The following IGSF9B variants were observed in gnomAD, a reference collection of about 807,000 sequenced individuals.
IGSF9B encodes immunoglobulin superfamily member 9B.
Under a neutral mutation model 143.7 loss-of-function variants are expected in IGSF9B, and 48 were observed. The observed-to-expected ratio is 0.33, with a 90% confidence interval of 0.26 to 0.42. The LOEUF (loss-of-function observed/expected upper bound fraction) is 0.42. Among genes scored for constraint, IGSF9B ranks in the 20% least tolerant of loss-of-function variants. The pLI is 1.00. For missense variants in IGSF9B, 1,706 were observed against 1,980.0 expected, an observed-to-expected ratio of 0.86 and a Z score of 2.63; for synonymous variants, 903 against 833.1, an observed-to-expected ratio of 1.08 and a Z score of -1.44.
chr11:133,941,851 C>T (rs572880724), intron 3 of IGSF9B, among the ~76,000 whole-genome samples: 7 of 152,300 alleles, frequency 4.6e-5, no homozygotes, highest in East Asian at 3.9e-4. Flanking sequence ...CCCACCTGCA[C>T]GTGACGAACT....
intron 18 of IGSF9B, among the ~76,000 whole-genome samples, chr11:133,915,732 AG>A (rs1258268198): frequency 6.6e-6 from 1 of 152,226 alleles, no homozygotes; most frequent in African/African-American, 2.4e-5. Context: ...CTCAGCGCCC[AG>A]GAGCTGACCA....
At position 133,945,936 on chromosome 11, in the gene IGSF9B, G is replaced by C. The variant is rs1456495257; in HGVS notation, c.262+125C>G. On this transcript the variant is annotated intron_variant, in intron 2 of 19. Transcript: ENST00000533871. The surrounding 1 kb of genome is among the most constrained non-coding windows in gnomAD (Gnocchi z 4.6). ...ACCAACAGAGGACAAAGGATGGGAGGAACCAGGCAGAGACTGGGAAACAGA... is the reference window on the plus strand; with the variant it reads ...ACCAACAGAGGACAAAGGATGGGAGCAACCAGGCAGAGACTGGGAAACAGA... 1.5e-6 allele frequency: 1 copy of C among 685,130 alleles called. No homozygotes were observed. The highest frequency in any genetic ancestry group is 2.8e-5 in the East Asian group (1 of 35,568). The allele number at this position is 685,130 out of a possible 1,614,324, so 42.4% of individuals were successfully genotyped here. A position where few individuals can be genotyped will look rare whatever the true frequency, so the allele number is the denominator to read the frequency against.
Position 133,931,910 on chromosome 11 carries a change from G to A in IGSF9B, c.1111-115C>T, listed in dbSNP as rs897444088. ...CAGGATAGTACAGGAGCTCCAGCCCGGGGCGGGCGGCACCCGCAGACCCCT... is the reference window on the plus strand; with the variant it reads ...CAGGATAGTACAGGAGCTCCAGCCCAGGGCGGGCGGCACCCGCAGACCCCT... On this transcript the variant is annotated intron_variant, in intron 8 of 19. Transcript: ENST00000533871. The surrounding 1 kb of genome is among the most constrained non-coding windows in gnomAD (Gnocchi z 7.7). 9.3e-6 allele frequency: 14 copies of A among 1,507,758 alleles called. No homozygotes were observed. Among genetic ancestry groups the A allele is most frequent in the Middle Eastern group, 3.6e-4 (2 of 5,568 alleles). 93.4% of individuals were successfully genotyped at this position (1,507,758 alleles called of 1,614,324 possible). A position where few individuals can be genotyped will look rare whatever the true frequency, so the allele number is the denominator to read the frequency against.
chr11:133,920,426 G>C lies in IGSF9B; in HGVS notation c.3299C>G (p.Pro1100Arg). ...GGGCGACTTGCCTGCCCAACCCTTC[G>C]GTGCCTCCAGAGACAGGATGCCCGG... Reference protein sequence around the residue: ...AYPGILSLEAPKGWAGKSPGR... With the variant: ...AYPGILSLEARKGWAGKSPGR... The change falls in exon 18 of 20, where the codon CCG (proline) becomes CGG (arginine). Residue 1100 changes from proline (P) to arginine (R), a missense_variant. Pro to Arg is a moderately radical substitution (Grantham distance 103, BLOSUM62 -2). Coordinates refer to ENST00000533871, the MANE Select transcript of IGSF9B (RefSeq NM_001277285.4). 1 of 1,582,118 alleles carries C rather than the reference G, an allele frequency of 6.3e-7. No homozygotes were observed. The highest frequency in any genetic ancestry group is 8.6e-7 in the Non-Finnish European group (1 of 1,166,156).
intron 1 of IGSF9B, among the ~76,000 whole-genome samples, chr11:133,952,424 G>A (rs1273784781): frequency 2.0e-5 from 3 of 152,224 alleles, no homozygotes; most frequent in African/African-American, 7.2e-5. Flanking sequence ...GGGATATGAA[G>A]GCAAGAAGTT....
At position 133,908,093 on chromosome 11, in the gene IGSF9B, G is replaced by A. The variant is rs1358989340; in HGVS notation, c.*976C>T. On this transcript the variant is annotated 3_prime_UTR_variant, in exon 20 of 20. Transcript: ENST00000533871. ...CGCTAGCACAGGTGGCTCCGCAGTG[G>A]GGAGACTTTGGCCACAGAGCTCACG... 1.3e-5 allele frequency among the ~76,000 whole-genome samples: 2 copies of A among 152,236 alleles called. No homozygotes were observed. Among genetic ancestry groups the A allele is most frequent in the Non-Finnish European group, 2.9e-5 (2 of 68,036 alleles).
In IGSF9B at chr11:133,909,378, A is replaced by G. The variant is rs984061139; in HGVS notation, c.4106-101T>C. ...CACCTGCATTTGTTCCGGGTTTCTA[A>G]TGTTGAAACAAAGGAATCACCTGAG... On this transcript the variant is annotated intron_variant, in intron 19 of 19. Transcript: ENST00000533871. The surrounding 1 kb of genome is among the most constrained non-coding windows in gnomAD (Gnocchi z 4.2). The G allele has an allele frequency of 3.1e-6, 3 of 959,052 alleles. No individual in the cohort carries two copies. Among genetic ancestry groups the G allele is most frequent in the African/African-American group, 3.3e-5 (2 of 61,478 alleles). 59.4% of individuals were successfully genotyped at this position (959,052 alleles called of 1,614,324 possible).
chr11:133,929,845 C>T (rs990925390), intron 11 of IGSF9B, 63 bp from the exon 12 acceptor site: 19 of 1,125,660 alleles, frequency 1.7e-5, no homozygotes, highest in African/African-American at 1.5e-4. Context: ...GGGTGCCCAC[C>T]GTCTGGCTGT....
Position 133,928,180 on chromosome 11 carries a change from G to C in IGSF9B, c.1632-1089C>G, listed in dbSNP as rs1939663067. 6.6e-6 allele frequency among the ~76,000 whole-genome samples: 1 copy of C among 152,044 alleles called. No homozygotes were observed. The highest frequency in any genetic ancestry group is 2.4e-5 in the African/African-American group (1 of 41,414). On this transcript the variant is annotated intron_variant, in intron 12 of 19. Transcript: ENST00000533871. The surrounding 1 kb of genome is among the most constrained non-coding windows in gnomAD (Gnocchi z 4.7). ...TCGTATGCCCAGACCTCCCACCCAG[G>C]CATCTCCAAAGACAGCTTGACCACA...
chr11:133,914,158 T>C (rs1186558592), intron 18 of IGSF9B, among the ~76,000 whole-genome samples: 1 of 152,206 alleles, frequency 6.6e-6, no homozygotes, highest in African/African-American at 2.4e-5. Flanking sequence ...GGCACTGCTG[T>C]ACAATAATTG....
At chr11:133,916,617 T>G (rs1372758214) in intron 18 of IGSF9B, among the ~76,000 whole-genome samples, 1 of 152,170 alleles carries the variant, frequency 6.6e-6, no homozygotes, top group African/African-American at 2.4e-5. Flanking sequence ...TCGCTGCCCC[T>G]GGTTTCTGGG....
chr11:133,912,627 C>T (rs558819556), intron 18 of IGSF9B, among the ~76,000 whole-genome samples: 3 of 152,284 alleles, frequency 2.0e-5, no homozygotes, highest in South Asian at 4.1e-4. Context: ...AGTGTCTCCT[C>T]GACCCTGCAG....
intron 3 of IGSF9B, among the ~76,000 whole-genome samples, chr11:133,938,397 A>G (rs774739690): frequency 2.6e-4 from 39 of 152,064 alleles, no homozygotes; most frequent in Admixed American, 1.4e-3. Flanking sequence ...AAGACTTAAC[A>G]CAGATGCAGG....
intron 6 of IGSF9B, 92 bp from the exon 7 acceptor site, chr11:133,935,854 GGA>G (rs762147286): frequency 2.0e-6 from 3 of 1,510,266 alleles, no homozygotes; most frequent in Non-Finnish European, 2.7e-6. Context: ...GATGTGGCAT[GGA>G]GAGCCCATGC....
intron 17 of IGSF9B, 52 bp downstream of exon 17, chr11:133,922,125 A>G: frequency 2.0e-6 from 3 of 1,506,644 alleles, no homozygotes; most frequent in Non-Finnish European, 2.8e-6. Context: ...CGGTCTACCT[A>G]TGCGCCCCCT....
rs1939148109 is a variant in IGSF9B, at chr11:133,902,357, C to G, written c.*6712G>C. Among the ~76,000 whole-genome samples the G allele has an allele frequency of 6.8e-6, 1 of 146,920 alleles. No homozygotes were observed. On this transcript the variant is annotated 3_prime_UTR_variant, in exon 20 of 20. Coordinates refer to ENST00000533871, the MANE Select transcript of IGSF9B (RefSeq NM_001277285.4). ...CACACACCCCACACACATACACAAC[C>G]ACACAATAGACACACCACACACAAC...
At chr11:133,937,632 G>A (rs1301168216) in intron 4 of IGSF9B, 139 bp from the exon 5 acceptor site, 3 of 1,009,310 alleles carry the variant, frequency 3.0e-6, no homozygotes, top group African/African-American at 1.6e-5. Flanking sequence ...CGAAGGGCAG[G>A]TGCCCCCTTG....
intron 18 of IGSF9B, among the ~76,000 whole-genome samples, chr11:133,914,067 G>A (rs1454737531): frequency 6.6e-6 from 1 of 152,072 alleles, no homozygotes; most frequent in Non-Finnish European, 1.5e-5. Context: ...AACTTCCAGG[G>A]GTGATATGAT....
At chr11:133,924,758 C>G (rs754378806) in intron 15 of IGSF9B, 62 bp downstream of exon 15, 8 of 1,342,946 alleles carry the variant, frequency 6.0e-6, no homozygotes, top group Non-Finnish European at 5.3e-6. Flanking sequence ...CACAAAATGA[C>G]CCCCATGCAG....
Sources: allele counts gnomAD v4.1 joint callset (sites outside exome capture counted in the v4.1 genomes callset), GRCh38; gene constraint gnomAD v4.1.1; non-coding constraint Gnocchi (gnomAD v3.1); transcripts MANE v1.5; gene names NCBI Gene and HGNC (gene_info 2026-07-23, HGNC 2026-07-21).